ZDHHC13: variants seen among roughly 807,000 people sequenced by gnomAD.
The protein encoded by ZDHHC13 is palmitoyltransferase ZDHHC13.
Under a neutral mutation model 86.0 loss-of-function variants are expected in ZDHHC13, and 85 were observed. The ratio of observed to expected loss-of-function variants is 0.99; its 90% CI spans 0.83 to 1.18. ZDHHC13 has a LOEUF of 1.18. Among genes scored for constraint, ZDHHC13 ranks in the 50% most tolerant of loss-of-function variants. The pLI is 0.00. For synonymous variants in ZDHHC13, 263 were observed against 246.4 expected (o/e 1.07, Z -0.63); for missense variants, 711 against 730.2 (o/e 0.97, Z 0.30).
rs1849369257 is a variant in ZDHHC13 at position 19,143,127 on chromosome 11, A to C, written c.173+4A>C. 6.2e-7 allele frequency: 1 copy of C among 1,609,822 alleles called. No individual in the cohort carries two copies. Among genetic ancestry groups the C allele is most frequent in the Non-Finnish European group, 8.5e-7 (1 of 1,177,588 alleles). On this transcript the variant is annotated splice_donor_region_variant and intron_variant, in intron 2 of 16. Coordinates refer to ENST00000446113, the MANE Select transcript of ZDHHC13 (RefSeq NM_019028.3). ...GTGACATTGTCAAAGCTACTCAGTA[A>C]GTCTTCCAAATGCTTTGGTTTATCC...
intron 6 of ZDHHC13, among the ~76,000 whole-genome samples, chr11:19,151,870 G>T (rs1849616471): frequency 6.6e-6 from 1 of 151,980 alleles, no homozygotes; most frequent in Non-Finnish European, 1.5e-5. Context: ...AAAAGTGTTA[G>T]CCAATAGAAC....
At chr11:19,155,016 C>T (rs1590082182) in intron 8 of ZDHHC13, among the ~76,000 whole-genome samples, 1 of 152,308 alleles carries the variant, frequency 6.6e-6, no homozygotes. Flanking sequence ...TAAAATTCTA[C>T]GTTCTCCAAA....
intron 1 of ZDHHC13, among the ~76,000 whole-genome samples, chr11:19,123,397 C>T (rs981324204): frequency 5.9e-5 from 9 of 151,532 alleles, no homozygotes; most frequent in African/African-American, 1.7e-4. Context: ...GAGGCCAAGA[C>T]GGAAGGATAA....
chr11:19,163,801 T>C (rs1374382638), intron 11 of ZDHHC13, among the ~76,000 whole-genome samples: 3 of 152,138 alleles, frequency 2.0e-5, no homozygotes, highest in Non-Finnish European at 4.4e-5. Flanking sequence ...GCTGAGGAGA[T>C]GCCCCTCCTC....
In ZDHHC13 at chr11:19,142,380, T is replaced by C. The variant is rs143410333; in HGVS notation, c.28-598T>C. ...GGCTAAGACAGAGTCTGATATAACA[T>C]GACCATGGGAGTAATTGTCTCATCA... On this transcript the variant is annotated intron_variant, in intron 1 of 16. Coordinates refer to ENST00000446113, the MANE Select transcript of ZDHHC13 (RefSeq NM_019028.3). Among the ~76,000 whole-genome samples, 1,043 of 152,282 alleles carry C rather than the reference T, an allele frequency of 6.8e-3. 9 individuals carry two copies. The highest frequency in any genetic ancestry group is 0.024 in the African/African-American group (983 of 41,558).
chr11:19,140,880 C>G (rs1202733562), intron 1 of ZDHHC13, among the ~76,000 whole-genome samples: 1 of 129,960 alleles, frequency 7.7e-6, no homozygotes, highest in African/African-American at 3.0e-5. Flanking sequence ...AACACATGGA[C>G]ACAGGAAGGG....
chr11:19,131,091 T>A (rs866239464), intron 1 of ZDHHC13, among the ~76,000 whole-genome samples: 48 of 152,106 alleles, frequency 3.2e-4, no homozygotes, highest in African/African-American at 9.4e-4. Context: ...CGATCTCGGC[T>A]CACTGCAAGC....
intron 7 of ZDHHC13, 60 bp downstream of exon 7, chr11:19,152,380 T>C: frequency 6.4e-7 from 1 of 1,563,540 alleles, no homozygotes; most frequent in South Asian, 1.2e-5. Flanking sequence ...GATTGATAAA[T>C]TAACGTAAAG....
At chr11:19,143,963 C>T (rs973217787) in intron 2 of ZDHHC13, among the ~76,000 whole-genome samples, 5 of 152,142 alleles carry the variant, frequency 3.3e-5, no homozygotes, top group African/African-American at 1.2e-4. Flanking sequence ...CTGAGGGGAA[C>T]TAATGTTACC....
intron 9 of ZDHHC13, 136 bp from the exon 10 acceptor site, chr11:19,158,804 T>A: frequency 1.8e-6 from 1 of 549,378 alleles, no homozygotes; most frequent in Admixed American, 3.6e-5. Context: ...AAGTGACACA[T>A]AGTAAGCACT....
intron 15 of ZDHHC13, among the ~76,000 whole-genome samples, chr11:19,171,484 A>G (rs1850219316): frequency 1.3e-5 from 2 of 152,354 alleles, no homozygotes; most frequent in South Asian, 2.1e-4. Flanking sequence ...AAAGAAAGAA[A>G]GAGAAAAAAG....
chr11:19,166,588 A>G, intron 14 of ZDHHC13: 1 of 390,402 alleles, frequency 2.6e-6, no homozygotes, highest in Non-Finnish European at 4.5e-6. Context: ...ACTTTAGGAA[A>G]AAAATGTGAT....
At chr11:19,158,230 T>C (rs903269560) in intron 9 of ZDHHC13, among the ~76,000 whole-genome samples, 1 of 152,208 alleles carries the variant, frequency 6.6e-6, no homozygotes, top group Non-Finnish European at 1.5e-5. Flanking sequence ...TTTCCTGGAA[T>C]AAATTTTAAA....
intron 1 of ZDHHC13, among the ~76,000 whole-genome samples, chr11:19,133,833 TG>T (rs1849057492): frequency 6.6e-6 from 1 of 150,648 alleles, no homozygotes; most frequent in South Asian, 2.1e-4. Context: ...TCTTCTAAGG[TG>T]CTGGCTCAGT....
chr11:19,144,896 A>C (rs775830600), intron 2 of ZDHHC13, among the ~76,000 whole-genome samples: 1 of 152,154 alleles, frequency 6.6e-6, no homozygotes, highest in Admixed American at 6.5e-5. Context: ...TGGGCAGATT[A>C]CCTGAGGTCA....
rs1475307548 is a variant in ZDHHC13 at position 19,117,530 on chromosome 11, GC to G, written c.27+259del. 1.3e-5 allele frequency among the ~76,000 whole-genome samples: 2 copies of G among 152,058 alleles called. No homozygotes were observed. Among genetic ancestry groups the G allele is most frequent in the Non-Finnish European group, 2.9e-5 (2 of 67,988 alleles). ...TCCAGCCTCCATCCCTGGCCAGGGC[GC>G]CCCCTGGGGCCGGTACCCGGAGCCC... On this transcript the variant is annotated intron_variant, in intron 1 of 16. Transcript: ENST00000446113. The surrounding 1 kb of genome is among the most constrained non-coding windows in gnomAD (Gnocchi z 4.2).
At chr11:19,143,184 T>G (rs953680803) in intron 2 of ZDHHC13, 61 bp downstream of exon 2, 2 of 1,516,872 alleles carry the variant, frequency 1.3e-6, no homozygotes, top group African/African-American at 2.8e-5. Context: ...GTAATATATG[T>G]GTAGTTCATG....
At chr11:19,140,701 T>C (rs1443603286) in intron 1 of ZDHHC13, among the ~76,000 whole-genome samples, 2 of 151,894 alleles carry the variant, frequency 1.3e-5, no homozygotes, top group Non-Finnish European at 2.9e-5. Context: ...ATTAAGAAAA[T>C]GTGGCACATA....
intron 10 of ZDHHC13, among the ~76,000 whole-genome samples, chr11:19,162,929 G>T (rs1339563727): frequency 6.6e-6 from 1 of 151,966 alleles, no homozygotes. Context: ...GAATCAAGAG[G>T]GTTGTTTCTT....
Sources: allele counts gnomAD v4.1 joint callset (sites outside exome capture counted in the v4.1 genomes callset), GRCh38; gene constraint gnomAD v4.1.1; non-coding constraint Gnocchi (gnomAD v3.1); transcripts MANE v1.5; gene names NCBI Gene and HGNC (gene_info 2026-07-23, HGNC 2026-07-21).